The following LYRM4 variants were observed in gnomAD, a reference collection of about 807,000 sequenced individuals.
LYRM4 encodes the protein LYR motif-containing protein 4.
A neutral mutation model predicts 11.7 loss-of-function variants in LYRM4; 9 were observed. The observed-to-expected ratio is 0.77, with a 90% confidence interval of 0.46 to 1.34. The LOEUF (loss-of-function observed/expected upper bound fraction) is 1.34, where lower values mean the gene tolerates loss of function less well. Ranked by LOEUF, LYRM4 falls within the 40% of genes most tolerant of loss-of-function variation. The pLI is 0.00. For missense variants in LYRM4, 133 were observed against 112.5 expected, an observed-to-expected ratio of 1.18 and a Z score of -0.82; for synonymous variants, 42 against 40.4, an observed-to-expected ratio of 1.04 and a Z score of -0.15.
At chr6:5,132,127 C>G (rs1236630970) in intron 2 of LYRM4, among the ~76,000 whole-genome samples, 1 of 152,166 alleles carries the variant, frequency 6.6e-6, no homozygotes, top group South Asian at 2.1e-4. Context: ...TCTTAACCTC[C>G]CTGCCTCTCA....
At chr6:5,237,812 T>A (rs1441340429) in intron 1 of LYRM4, among the ~76,000 whole-genome samples, 1 of 152,254 alleles carries the variant, frequency 6.6e-6, no homozygotes, top group Non-Finnish European at 1.5e-5. Flanking sequence ...CGTGACAGGA[T>A]GCCAGAAGCA....
intron 2 of LYRM4, among the ~76,000 whole-genome samples, chr6:5,186,040 G>A (rs2127684526): frequency 6.6e-6 from 1 of 152,308 alleles, no homozygotes; most frequent in East Asian, 1.9e-4. Flanking sequence ...GGCATGCCTG[G>A]AACCCTGGGT....
Position 5,108,705 on chromosome 6 carries a change from G to A in LYRM4, c.*718C>T. ...GGTATGGGAGTCGCCCTGGGCTTGG[G>A]TCAGGCTGGGGCTCTCTCATTCACC... On this transcript the variant is annotated 3_prime_UTR_variant, in exon 3 of 3. Coordinates refer to ENST00000330636, the MANE Select transcript of LYRM4 (RefSeq NM_020408.6). The A allele has an allele frequency of 1.1e-6, 1 of 887,326 alleles. No individual in the cohort carries two copies. The highest frequency in any genetic ancestry group is 1.4e-6 in the Non-Finnish European group (1 of 739,896). The allele number at this position is 887,326 out of a possible 1,614,324, so 55.0% of individuals were successfully genotyped here. A position where few individuals can be genotyped will look rare whatever the true frequency, so the allele number is the denominator to read the frequency against.
At chr6:5,242,933 C>T (rs951059203) in intron 1 of LYRM4, among the ~76,000 whole-genome samples, 1 of 151,296 alleles carries the variant, frequency 6.6e-6, no homozygotes, top group African/African-American at 2.4e-5. Context: ...GCCACCGCGC[C>T]CGGCTAATTT....
intron 2 of LYRM4, among the ~76,000 whole-genome samples, chr6:5,207,279 A>G (rs552184590): frequency 1.3e-5 from 2 of 152,280 alleles, no homozygotes; most frequent in South Asian, 2.1e-4. Flanking sequence ...TCCAGTCCGA[A>G]AAGAAAATTC....
At chr6:5,148,517 G>GGGGGGGCAGA (rs1403356762) in intron 2 of LYRM4, among the ~76,000 whole-genome samples, 1 of 152,244 alleles carries the variant, frequency 6.6e-6, no homozygotes, top group African/African-American at 2.4e-5. Context: ...GAGCTGGGCT[G>GGGGGGGCAGA]GGTATACGCC....
At chr6:5,113,748 TTA>T (rs751783807) in intron 2 of LYRM4, among the ~76,000 whole-genome samples, 1 of 131,138 alleles carries the variant, frequency 7.6e-6, no homozygotes, top group African/African-American at 2.9e-5. Flanking sequence ...TTTTTTTTTT[TTA>T]GAGACAGGTT....
intron 1 of LYRM4, among the ~76,000 whole-genome samples, chr6:5,236,103 G>C (rs929584334): frequency 1.3e-5 from 2 of 152,182 alleles, no homozygotes; most frequent in African/African-American, 4.8e-5. Context: ...TGGATATTGA[G>C]GTTTTAATAA....
At chr6:5,138,487 C>CAAAAAAAAAAAAAAA (rs765741377) in intron 2 of LYRM4, among the ~76,000 whole-genome samples, 42 of 49,692 alleles carry the variant, frequency 8.5e-4, no homozygotes, top group African/African-American at 2.3e-3. Context: ...ACCCTGTCTC[C>CAAAAAAAAAAAAAAA]AAAAAAAAAA....
intron 1 of LYRM4, among the ~76,000 whole-genome samples, chr6:5,242,763 G>A (rs1014297543): frequency 2.8e-5 from 4 of 141,118 alleles, no homozygotes; most frequent in South Asian, 2.1e-4. Context: ...CAGGATTTCT[G>A]CTCTTTTTTT....
the LYRM4 span, among the ~76,000 whole-genome samples, chr6:5,048,454 A>G: frequency 1.3e-5 from 2 of 152,136 alleles, no homozygotes; most frequent in East Asian, 3.9e-4. Context: ...AGCTGGGACT[A>G]CTGGCGCATG....
the LYRM4 span, chr6:5,066,074 G>C: frequency 9.7e-6 from 4 of 411,086 alleles, no homozygotes; most frequent in East Asian, 2.0e-4. Context: ...AAATTTCCAT[G>C]AGGAGTCATT....
At chr6:5,124,072 C>A (rs184526604) in intron 2 of LYRM4, among the ~76,000 whole-genome samples, 1 of 152,152 alleles carries the variant, frequency 6.6e-6, no homozygotes, top group African/African-American at 2.4e-5. Flanking sequence ...GGCGGGCACA[C>A]GCTCTCTCTT....
intron 2 of LYRM4, among the ~76,000 whole-genome samples, chr6:5,136,017 A>T (rs183031268): frequency 6.6e-6 from 1 of 152,248 alleles, no homozygotes; most frequent in East Asian, 1.9e-4. Context: ...TGTTTCTTCT[A>T]TGGCTTATTT....
At chr6:5,064,458 ACTGTTTG>A in the LYRM4 span, among the ~76,000 whole-genome samples, 1 of 152,228 alleles carries the variant, frequency 6.6e-6, no homozygotes, top group Non-Finnish European at 1.5e-5. Context: ...ACCCAAGCTC[ACTGTTTG>A]CTCTGTTAAC....
the LYRM4 span, among the ~76,000 whole-genome samples, chr6:5,081,566 T>C: frequency 2.0e-5 from 3 of 152,180 alleles, no homozygotes; most frequent in East Asian, 5.8e-4. Flanking sequence ...TCAGGGCTGC[T>C]CAAAGCTCAG....
At chr6:5,067,228 A>G in the LYRM4 span, among the ~76,000 whole-genome samples, 6 of 152,244 alleles carry the variant, frequency 3.9e-5, no homozygotes, top group Non-Finnish European at 8.8e-5. Flanking sequence ...CACAGAAAAC[A>G]TTAGTTATCT....
intron 2 of LYRM4, chr6:5,144,149 G>A: frequency 6.5e-7 from 1 of 1,536,624 alleles, no homozygotes; most frequent in African/African-American, 1.4e-5. Context: ...AGCTCTGTGA[G>A]GAAGAGCAAA....
the LYRM4 span, chr6:5,088,713 T>C: frequency 6.6e-6 from 1 of 152,198 alleles, no homozygotes; most frequent in African/African-American, 2.4e-5. Flanking sequence ...CATTTAGACT[T>C]TAGTGAGCTT....
Sources: gnomAD v4.1 joint callset for allele counts (sites outside exome capture counted in the v4.1 genomes callset) on GRCh38, gnomAD v4.1.1 for gene constraint, MANE v1.5 for transcripts, NCBI Gene and HGNC (gene_info 2026-07-23, HGNC 2026-07-21) for gene names.